The following RNH1 variants were observed in gnomAD, a reference collection of about 807,000 sequenced individuals.
RNH1 encodes the protein ribonuclease inhibitor.
A neutral mutation model predicts 46.1 loss-of-function variants in RNH1; 38 were observed. That is an observed-to-expected ratio of 0.82 (90% confidence interval 0.64 to 1.08). The LOEUF is 1.08. RNH1 is among the 50% of genes least tolerant of loss of function. RNH1 has a pLI of 0.00. For synonymous variants in RNH1, 319 were observed against 279.1 expected, an observed-to-expected ratio of 1.14 and a Z score of -1.43; for missense variants, 577 against 590.7, an observed-to-expected ratio of 0.98 and a Z score of 0.24.
chr11:503,972 C>T (rs1444161510), intron 2 of RNH1, among the ~76,000 whole-genome samples: 2 of 152,196 alleles, frequency 1.3e-5, no homozygotes, highest in Non-Finnish European at 2.9e-5. Context: ...CCCTACACAG[C>T]CAAAGCTAAA....
At chr11:499,801 T>G in intron 5 of RNH1, 28 bp downstream of exon 5, 1 of 1,591,268 alleles carries the variant, frequency 6.3e-7, no homozygotes, top group Non-Finnish European at 8.6e-7. Flanking sequence ...GCGGCCAGCA[T>G]GGGCCCTGGG....
chr11:500,402 G>A (rs772045918), intron 4 of RNH1, 82 bp downstream of exon 4: 186 of 1,489,824 alleles, frequency 1.2e-4, no homozygotes, highest in Middle Eastern at 2.4e-4. Context: ...CTGCCCACGC[G>A]CCCCTGGCGG....
chr11:498,599 C>T lies in RNH1; in HGVS notation c.814G>A (p.Gly272Ser), dbSNP rs762362239. 2.5e-6 allele frequency: 4 copies of T among 1,612,778 alleles called. No homozygotes were observed. The Admixed American group carries it at 6.7e-5, about 27-fold the overall frequency. The part of the protein sequence containing the change: ...WIWECGITAK[G>S]CGDLCRVLRA... ...AGGACACGGCACAGATCCCCGCAGCCCTTGGCAGTGATGCCACACTCCCAG... is the reference window on the plus strand; with the variant it reads ...AGGACACGGCACAGATCCCCGCAGCTCTTGGCAGTGATGCCACACTCCCAG... The change falls in exon 8 of 11, where the codon GGC (glycine) becomes AGC (serine). Residue 272 changes from glycine (G) to serine (S), a missense_variant. Gly to Ser is a moderately conservative substitution (Grantham distance 56). Coordinates refer to ENST00000354420, the MANE Select transcript of RNH1 (RefSeq NM_203387.3).
chr11:507,218 G>T lies in RNH1; in HGVS notation c.-366C>A, dbSNP rs1028035762. On this transcript the variant is annotated 5_prime_UTR_variant, in exon 1 of 11. Transcript: ENST00000354420. ...GTTGAACGTGTCGACAACCCCACCCGCCAGTCAGCGGCGCGGGCGTGTTCG... is the reference window on the plus strand; with the variant it reads ...GTTGAACGTGTCGACAACCCCACCCTCCAGTCAGCGGCGCGGGCGTGTTCG... 2 of 152,008 alleles carry T rather than the reference G, an allele frequency of 1.3e-5. No individual in the cohort carries two copies. The highest frequency in any genetic ancestry group is 6.5e-5 in the Admixed American group (1 of 15,278). 9.4% of individuals were successfully genotyped at this position (152,008 alleles called of 1,614,324 possible). A position where few individuals can be genotyped will look rare whatever the true frequency, so the allele number is the denominator to read the frequency against.
intron 9 of RNH1, 79 bp from the exon 10 acceptor site, chr11:495,132 G>A: frequency 7.1e-7 from 1 of 1,415,018 alleles, no homozygotes; most frequent in Non-Finnish European, 9.6e-7. Flanking sequence ...CTGGGCCTGG[G>A]GGGCGCGACG....
chr11:506,671 G>C (rs1188194305), intron 1 of RNH1: 1 of 152,306 alleles, frequency 6.6e-6, no homozygotes, highest in Non-Finnish European at 1.5e-5. Context: ...GCTCCTTCCC[G>C]GGAGGCCGCT....
intron 9 of RNH1, 118 bp downstream of exon 9, chr11:497,853 T>C (rs1045826073): frequency 2.4e-6 from 3 of 1,268,834 alleles, no homozygotes; most frequent in South Asian, 2.8e-5. Flanking sequence ...CACCCATGTG[T>C]GCTCACATAC....
At chr11:500,316 C>G (rs554318166) in intron 4 of RNH1, 168 bp downstream of exon 4, 53 of 839,816 alleles carry the variant, frequency 6.3e-5, no homozygotes, top group Middle Eastern at 7.3e-4. Context: ...CTGTCCCCCC[C>G]GCTGTGAGAC....
rs562944237 is a variant in RNH1, at chr11:497,851, TGTGCTCACATACACACGGACACTC to T, written c.1127+96_1127+119del. The T allele has an allele frequency of 1.7e-4, 206 of 1,245,496 alleles. 1 individual carries two copies. In the East Asian group the frequency reaches 4.5e-3, roughly 27 times the overall value. 77.2% of individuals were successfully genotyped at this position (1,245,496 alleles called of 1,614,324 possible). On this transcript the variant is annotated intron_variant, in intron 9 of 10. Coordinates refer to ENST00000354420, the MANE Select transcript of RNH1 (RefSeq NM_203387.3). ...CGTGCTCACACTCGCCTCACCCATG[TGTGCTCACATACACACGGACACTC>T]GTGCTCACACAGATACTCGTGCACT...
At position 506,442 on chromosome 11, in the gene RNH1, G is replaced by T. The variant is rs35874808; in HGVS notation, c.-261+671C>A. The stretch of plus-strand genomic sequence containing the variant: ...TTCCGCCAACCCCGGTGACAACCCT[G>T]ACACCGGCCCCTAAGTGCCATTCCA... On this transcript the variant is annotated intron_variant, in intron 1 of 10. Coordinates refer to ENST00000354420, the MANE Select transcript of RNH1 (RefSeq NM_203387.3). 14,830 of 152,272 alleles carry T rather than the reference G, an allele frequency of 0.097. 998 individuals are homozygous for T. Among genetic ancestry groups the T allele is most frequent in the Admixed American group, 0.19 (2,844 of 15,288 alleles). 9.4% of individuals were successfully genotyped at this position (152,272 alleles called of 1,614,324 possible). A position where few individuals can be genotyped will look rare whatever the true frequency, so the allele number is the denominator to read the frequency against.
rs760118083 is a variant in RNH1 at position 497,973 on chromosome 11, G to A, written c.1125C>T (p.Leu375=). The A allele has an allele frequency of 1.2e-6, 2 of 1,612,934 alleles. No individual in the cohort carries two copies. Among genetic ancestry groups the A allele is most frequent in the East Asian group, 4.5e-5 (2 of 44,886 alleles). ...LGQPGSVLRV[L]WLADCDVSDS... is the part of the protein sequence containing the mutation. ...ACTCGTGTCCCTCACACACTCACCAGAGCACCCGCAGCACAGAGCCAGGCT... is the reference window on the plus strand; with the variant it reads ...ACTCGTGTCCCTCACACACTCACCAAAGCACCCGCAGCACAGAGCCAGGCT... The change falls in exon 9 of 11, where the codon CTC becomes CTT. Residue 375 remains leucine, a splice_region_variant and synonymous_variant. Transcript: ENST00000354420.
At position 498,904 on chromosome 11, in the gene RNH1, TTGTCTGA is replaced by T; in HGVS notation, c.637_643del (p.Ser213ThrfsTer72). 6.2e-7 allele frequency: 1 copy of T among 1,612,626 alleles called. No individual in the cohort carries two copies. The highest frequency in any genetic ancestry group is 1.1e-5 in the South Asian group (1 of 91,052). ...CACAATGCCGCACAGGTCCCGGCAG[TTGTCTGA>T]TGTCACACCGCAGCTCTCCAGCCTG... is the stretch of plus-strand genomic sequence containing the variant. On this transcript the variant is annotated frameshift_variant, in exon 7 of 11. Coordinates refer to ENST00000354420, the MANE Select transcript of RNH1 (RefSeq NM_203387.3). LOFTEE classifies it high-confidence loss of function.
In RNH1 at chr11:494,880, T is replaced by A. The variant is rs1044178880; in HGVS notation, c.1298+3A>T. The A allele has an allele frequency of 6.2e-7, 1 of 1,611,114 alleles. No homozygotes were observed. Among genetic ancestry groups the A allele is most frequent in the Non-Finnish European group, 8.5e-7 (1 of 1,179,090 alleles). On this transcript the variant is annotated splice_donor_region_variant and intron_variant, in intron 10 of 10. Transcript: ENST00000354420. The stretch of plus-strand genomic sequence containing the variant: ...GCACCACCCGCCCAGCGCGTGCACA[T>A]ACACCAGCTGCTCCAGGAGGCAGCC...
In RNH1 at chr11:499,159, G is replaced by C. The variant is rs1244198235; in HGVS notation, c.470C>G (p.Ala157Gly). 1 of 1,612,710 alleles carries C rather than the reference G, an allele frequency of 6.2e-7. No individual in the cohort carries two copies. ...CACGGAGGCCAGGGGCTCGCAGCTGGCAGCCGAGAGGCTGCAATACTCCAG... is the reference window on the plus strand; with the variant it reads ...CACGGAGGCCAGGGGCTCGCAGCTGCCAGCCGAGAGGCTGCAATACTCCAG... ...LQLEYCSLSA[A>G]SCEPLASVLR... Residue 157 changes from alanine to glycine, a missense_variant, in exon 6 of 11, where the codon GCC (alanine) becomes GGC (glycine). By Grantham distance (60) the Ala-to-Gly change is moderately conservative. Transcript: ENST00000354420.
At chr11:496,693 C>T (rs188068918) in intron 9 of RNH1, among the ~76,000 whole-genome samples, 3 of 152,146 alleles carry the variant, frequency 2.0e-5, no homozygotes, top group African/African-American at 7.2e-5. Flanking sequence ...TAAAATTAGC[C>T]GGGCATAATG....
At position 498,640 on chromosome 11, in the gene RNH1, GACC is replaced by G; in HGVS notation, c.786-16_786-14del. On this transcript the variant is annotated splice_polypyrimidine_tract_variant and intron_variant, in intron 7 of 10. Transcript: ENST00000354420. Reference sequence around the variant, plus strand: ...ACACTCCCAGATCCTGCAGGACATGGACCACCACAGACTTTCCTCAGCACCGTC... The same window carrying G: ...ACACTCCCAGATCCTGCAGGACATGGACCACAGACTTTCCTCAGCACCGTC... 1 of 1,610,944 alleles carries G rather than the reference GACC, an allele frequency of 6.2e-7. No individual in the cohort carries two copies.
chr11:494,571 G>C lies in RNH1; in HGVS notation c.*120C>G. On this transcript the variant is annotated 3_prime_UTR_variant, in exon 11 of 11. Coordinates refer to ENST00000354420, the MANE Select transcript of RNH1 (RefSeq NM_203387.3). ...GTCCAAAATATACTGGCAGAAATAAGCGGATCTGAGCGTTTCTCTTCAAAC... is the reference window on the plus strand; with the variant it reads ...GTCCAAAATATACTGGCAGAAATAACCGGATCTGAGCGTTTCTCTTCAAAC... 1.2e-6 allele frequency: 1 copy of C among 839,682 alleles called. No individual in the cohort carries two copies. Among genetic ancestry groups the C allele is most frequent in the Non-Finnish European group, 2.0e-6 (1 of 507,782 alleles). 52.0% of individuals were successfully genotyped at this position (839,682 alleles called of 1,614,324 possible). A position where few individuals can be genotyped will look rare whatever the true frequency, so the allele number is the denominator to read the frequency against.
At position 499,175 on chromosome 11, in the gene RNH1, A is replaced by G. The variant is rs763488213; in HGVS notation, c.454T>C (p.Cys152Arg). 2.5e-6 allele frequency: 4 copies of G among 1,612,470 alleles called. No individual in the cohort carries two copies. Among genetic ancestry groups the G allele is most frequent in the South Asian group, 2.2e-5 (2 of 91,084 alleles). ...CRLEKLQLEY[C>R]SLSAASCEPL... is the part of the protein sequence containing the mutation. ...TCGCAGCTGGCAGCCGAGAGGCTGC[A>G]ATACTCCAGCCTGGGGGACAGCAGA... is the stretch of plus-strand genomic sequence containing the variant. Residue 152 changes from cysteine to arginine, a missense_variant, in exon 6 of 11, where the codon TGC (cysteine) becomes CGC (arginine). Coordinates refer to ENST00000354420, the MANE Select transcript of RNH1 (RefSeq NM_203387.3).
At chr11:506,762 G>A (rs1249297379) in intron 1 of RNH1, 1 of 152,328 alleles carries the variant, frequency 6.6e-6, no homozygotes, top group Non-Finnish European at 1.5e-5. Context: ...GTAGCTCGCT[G>A]GAATCTAAGG....
Sources: allele counts gnomAD v4.1 joint callset (sites outside exome capture counted in the v4.1 genomes callset), GRCh38; gene constraint gnomAD v4.1.1; transcripts MANE v1.5; gene names NCBI Gene and HGNC (gene_info 2026-07-23, HGNC 2026-07-21).